Variants in OSBPL10 observed in about 807,000 individuals in gnomAD.
OSBPL10 encodes oxysterol-binding protein-related protein 10.
Under a neutral mutation model 81.7 loss-of-function variants are expected in OSBPL10, and 49 were observed. The observed-to-expected ratio is 0.60, with a 90% CI of 0.48 to 0.76. The LOEUF is 0.76. Ranked by LOEUF, OSBPL10 falls within the 30% of genes least tolerant of loss-of-function variation. OSBPL10 has a pLI of 0.00. For synonymous variants in OSBPL10, 419 were observed against 383.6 expected (o/e 1.09, Z -1.08); for missense variants, 923 against 987.8 (o/e 0.93, Z 0.88).
At chr3:31,931,014 CAAAAAAAAAAAA>C (rs60251266) in intron 1 of OSBPL10, among the ~76,000 whole-genome samples, 6 of 62,064 alleles carry the variant, frequency 9.7e-5, no homozygotes, top group South Asian at 1.3e-3. Context: ...GACTCGGTCT[CAAAAAAAAAAAA>C]AAAAAAAAAA....
chr3:31,986,409 G>C (rs2125515753), intron 2 of OSBPL10: 1 of 152,220 alleles, frequency 6.6e-6, no homozygotes, highest in East Asian at 1.9e-4. Flanking sequence ...CCAGAATTAA[G>C]GTATGGACAG....
intron 3 of OSBPL10, among the ~76,000 whole-genome samples, chr3:31,871,792 G>C (rs1167528526): frequency 1.3e-5 from 2 of 152,206 alleles, no homozygotes; most frequent in Non-Finnish European, 2.9e-5. Flanking sequence ...GAGAGCCTGG[G>C]AGGTCAAGGC....
At chr3:31,948,851 C>G (rs746394570) in intron 1 of OSBPL10, among the ~76,000 whole-genome samples, 1 of 152,154 alleles carries the variant, frequency 6.6e-6, no homozygotes, top group Non-Finnish European at 1.5e-5. Flanking sequence ...TGGCTGGAGC[C>G]CCCACCATCC....
intron 1 of OSBPL10, among the ~76,000 whole-genome samples, chr3:31,932,352 C>T (rs1409617924): frequency 6.6e-6 from 1 of 152,184 alleles, no homozygotes; most frequent in East Asian, 1.9e-4. Flanking sequence ...GCCTCAAATT[C>T]AATGCCCTAA....
chr3:31,870,443 C>CCG (rs1319512325), intron 3 of OSBPL10, among the ~76,000 whole-genome samples: 1 of 152,236 alleles, frequency 6.6e-6, no homozygotes, highest in Admixed American at 6.5e-5. Context: ...CCGACGAGCG[C>CCG]CGCCCCCTAC....
At position 31,897,092 on chromosome 3, in the gene OSBPL10, T is replaced by A. The variant is rs188547676; in HGVS notation, c.282-17262A>T. ...ACACTATAAAAGGAAGAAAAAAGAA[T>A]GGAATGACTTAGACAGAAGAAGCAG... is the stretch of plus-strand genomic sequence containing the variant. On this transcript the variant is annotated intron_variant, in intron 1 of 11. Coordinates refer to ENST00000396556, the MANE Select transcript of OSBPL10 (RefSeq NM_017784.5). Among the ~76,000 whole-genome samples, 250 of 152,066 alleles carry A rather than the reference T, an allele frequency of 1.6e-3. 1 individual carries two copies. Among genetic ancestry groups the A allele is most frequent in the African/African-American group, 5.8e-3 (240 of 41,452 alleles).
At chr3:31,728,464 C>G (rs913883722) in intron 6 of OSBPL10, among the ~76,000 whole-genome samples, 9 of 152,154 alleles carry the variant, frequency 5.9e-5, no homozygotes, top group African/African-American at 2.2e-4. Flanking sequence ...TTCATTGCTC[C>G]CCCTTTCCAT....
chr3:31,997,899 CA>C (rs1184763843), intron 2 of OSBPL10, among the ~76,000 whole-genome samples: 1 of 152,078 alleles, frequency 6.6e-6, no homozygotes, highest in Non-Finnish European at 1.5e-5. Context: ...GCAATCCTCC[CA>C]CCTTAGCCTC....
chr3:31,716,000 C>G, intron 6 of OSBPL10, among the ~76,000 whole-genome samples: 1 of 152,166 alleles, frequency 6.6e-6, no homozygotes, highest in Non-Finnish European at 1.5e-5. Context: ...GCAGGGACAG[C>G]AGAAAACATG....
At chr3:31,978,578 C>T (rs1051110220) in intron 1 of OSBPL10, among the ~76,000 whole-genome samples, 4 of 152,208 alleles carry the variant, frequency 2.6e-5, no homozygotes, top group African/African-American at 9.7e-5. Context: ...GACCCTCAGC[C>T]ATCGTTCAAA....
At chr3:31,866,801 A>G (rs7433501) in intron 3 of OSBPL10, among the ~76,000 whole-genome samples, 37,953 of 151,984 alleles carry the variant, frequency 0.25, 4,902 homozygotes, top group Non-Finnish European at 0.29. Flanking sequence ...CCACAAGTGA[A>G]TTAATGTGCA....
chr3:32,047,637 G>C (rs992159585), intron 1 of OSBPL10, among the ~76,000 whole-genome samples: 2 of 151,894 alleles, frequency 1.3e-5, no homozygotes, highest in African/African-American at 2.4e-5. Flanking sequence ...GTTTTGGCCT[G>C]CATCTTTACT....
intron 6 of OSBPL10, among the ~76,000 whole-genome samples, chr3:31,729,344 G>A (rs1696896073): frequency 6.6e-6 from 1 of 152,138 alleles, no homozygotes; most frequent in South Asian, 2.1e-4. Context: ...GTTACAGTCA[G>A]AAAGGAATTT....
At chr3:32,050,990 C>T (rs1559555274) in intron 1 of OSBPL10, among the ~76,000 whole-genome samples, 1 of 151,982 alleles carries the variant, frequency 6.6e-6, no homozygotes, top group South Asian at 2.1e-4. Flanking sequence ...AGCTCACTGG[C>T]TAAAAGTCAG....
At chr3:31,932,566 G>A (rs1697278826) in intron 1 of OSBPL10, among the ~76,000 whole-genome samples, 1 of 152,062 alleles carries the variant, frequency 6.6e-6, no homozygotes, top group African/African-American at 2.4e-5. Context: ...GTTTTACATT[G>A]CGTATAATAA....
chr3:31,664,922 T>C (rs1030997447), intron 10 of OSBPL10, among the ~76,000 whole-genome samples: 4 of 152,160 alleles, frequency 2.6e-5, no homozygotes, highest in Non-Finnish European at 5.9e-5. Flanking sequence ...TTCAGCTCAC[T>C]ACCCCTCTTC....
At chr3:31,723,332 C>T (rs7645923) in intron 6 of OSBPL10, among the ~76,000 whole-genome samples, 13,926 of 152,106 alleles carry the variant, frequency 0.092, 1,551 homozygotes, top group African/African-American at 0.27. Context: ...GAGTCCACGG[C>T]CTTGGCCAGG....
intron 4 of OSBPL10, among the ~76,000 whole-genome samples, chr3:31,787,942 C>A (rs1033598538): frequency 6.6e-6 from 1 of 151,858 alleles, no homozygotes; most frequent in Non-Finnish European, 1.5e-5. Flanking sequence ...TTAAAATGCA[C>A]AAACAGAATA....
intron 3 of OSBPL10, among the ~76,000 whole-genome samples, chr3:31,850,752 T>G (rs1427960243): frequency 6.6e-6 from 1 of 152,212 alleles, no homozygotes; most frequent in Non-Finnish European, 1.5e-5. Flanking sequence ...TGTCTTTGAT[T>G]AAGCCTCTCC....
Sources: allele counts gnomAD v4.1 joint callset (sites outside exome capture counted in the v4.1 genomes callset), GRCh38; gene constraint gnomAD v4.1.1; transcripts MANE v1.5; gene names NCBI Gene and HGNC (gene_info 2026-07-23, HGNC 2026-07-21).